TARP: variants seen among roughly 807,000 people sequenced by gnomAD.
the TARP span, chr7:38,265,401 C>T: frequency 1.2e-6 from 2 of 1,612,200 alleles, no homozygotes; most frequent in South Asian, 2.2e-5. Flanking sequence ...TTTTATTATT[C>T]TCATGTCTGA....
At chr7:38,263,649 A>C in the TARP span, among the ~76,000 whole-genome samples, 2 of 151,380 alleles carry the variant, frequency 1.3e-5, no homozygotes, top group Admixed American at 1.3e-4. Context: ...ATGTTAAAAA[A>C]AAAAAGGAAG....
the TARP span, among the ~76,000 whole-genome samples, chr7:38,264,644 AT>A: frequency 6.6e-6 from 1 of 151,582 alleles, no homozygotes; most frequent in African/African-American, 2.4e-5. Context: ...AAAACACATT[AT>A]AAAACTGTAA....
the TARP span, chr7:38,265,549 A>T: frequency 1.3e-5 from 21 of 1,611,956 alleles, no homozygotes; most frequent in South Asian, 2.0e-4. Flanking sequence ...TTGCCAATGT[A>T]TCTTAATAAC....
the TARP span, among the ~76,000 whole-genome samples, chr7:38,260,903 A>G: frequency 6.6e-6 from 1 of 151,730 alleles, no homozygotes; most frequent in African/African-American, 2.4e-5. Context: ...AATAGAGGAA[A>G]GTTGAGCAGG....
the TARP span, among the ~76,000 whole-genome samples, chr7:38,261,420 G>C: frequency 6.6e-6 from 1 of 151,208 alleles, no homozygotes; most frequent in African/African-American, 2.4e-5. Flanking sequence ...GTTTTAAGAG[G>C]GTTAAACAAG....
the TARP span, among the ~76,000 whole-genome samples, chr7:38,270,629 T>C: frequency 6.6e-6 from 1 of 151,340 alleles, no homozygotes; most frequent in South Asian, 2.1e-4. Flanking sequence ...CACCTGGCTT[T>C]ACCCTTCAAG....
chr7:38,262,480 T>C, the TARP span, among the ~76,000 whole-genome samples: 1 of 151,634 alleles, frequency 6.6e-6, no homozygotes, highest in Non-Finnish European at 1.5e-5. Context: ...TCCAAGAGCA[T>C]TTACTTTTCC....
chr7:38,261,691 G>A, the TARP span, among the ~76,000 whole-genome samples: 173 of 151,146 alleles, frequency 1.1e-3, no homozygotes, highest in Non-Finnish European at 1.8e-3. Flanking sequence ...GGCCAACATG[G>A]TGAAACCCCA....
At chr7:38,262,084 A>G in the TARP span, 1 of 1,164,368 alleles carries the variant, frequency 8.6e-7, no homozygotes, top group Non-Finnish European at 1.3e-6. Context: ...GCAGCATCCA[A>G]CCTAGCAAAA....
At chr7:38,265,995 G>A in the TARP span, among the ~76,000 whole-genome samples, 2 of 150,926 alleles carry the variant, frequency 1.3e-5, no homozygotes, top group Non-Finnish European at 2.9e-5. Flanking sequence ...CTCCTACCAG[G>A]GCTTCCAAAG....
At chr7:38,260,862 G>A in the TARP span, among the ~76,000 whole-genome samples, 1 of 151,762 alleles carries the variant, frequency 6.6e-6, no homozygotes, top group Non-Finnish European at 1.5e-5. Flanking sequence ...GCCTGGTGTG[G>A]CAGCCTAAGT....
chr7:38,273,589 G>A, the TARP span: 1 of 1,597,080 alleles, frequency 6.3e-7, no homozygotes, highest in Non-Finnish European at 8.5e-7. Context: ...AAACTTACCT[G>A]TAATGATAAG....
chr7:38,267,704 T>C, the TARP span, among the ~76,000 whole-genome samples: 3 of 151,150 alleles, frequency 2.0e-5, no homozygotes, highest in South Asian at 4.2e-4. Context: ...TTCTCCACCA[T>C]ATAGTTTGCT....
At chr7:38,262,612 C>G in the TARP span, among the ~76,000 whole-genome samples, 3 of 151,696 alleles carry the variant, frequency 2.0e-5, no homozygotes, top group East Asian at 3.9e-4. Context: ...ACACTGCTGA[C>G]ATGACATCAG....
At chr7:38,268,145 G>A in the TARP span, among the ~76,000 whole-genome samples, 2 of 150,808 alleles carry the variant, frequency 1.3e-5, no homozygotes, top group Non-Finnish European at 3.0e-5. Context: ...GTTTTTTATG[G>A]CCAAGTATGG....
the TARP span, chr7:38,262,202 A>G: frequency 6.2e-7 from 1 of 1,612,156 alleles, no homozygotes. Flanking sequence ...TGTCTTTGGG[A>G]TCCATTGTGA....
chr7:38,265,315 A>G, the TARP span: 2 of 1,487,622 alleles, frequency 1.3e-6, no homozygotes, highest in Admixed American at 3.7e-5. Flanking sequence ...CTTTCAAAGA[A>G]GTGTTCTGAC....
At chr7:38,264,044 C>G in the TARP span, among the ~76,000 whole-genome samples, 24,347 of 130,904 alleles carry the variant, frequency 0.19, no homozygotes, top group African/African-American at 0.36. Context: ...TAACTGTTCC[C>G]CATAATAAAA....
chr7:38,271,419 T>A, the TARP span, among the ~76,000 whole-genome samples: 5 of 151,474 alleles, frequency 3.3e-5, no homozygotes, highest in African/African-American at 1.2e-4. Context: ...TGGTACAGTC[T>A]TTGTGTAACT....
Sources: gnomAD v4.1 joint callset for allele counts (sites outside exome capture counted in the v4.1 genomes callset) on GRCh38, gnomAD v4.1.1 for gene constraint, MANE v1.5 for transcripts.